The following CCNK variants were observed in gnomAD, a reference collection of about 807,000 sequenced individuals.
The protein encoded by CCNK is cyclin K.
Under a neutral mutation model 65.0 loss-of-function variants are expected in CCNK, and 9 were observed. The observed-to-expected ratio is 0.14, with a 90% CI of 0.08 to 0.24. CCNK has a LOEUF of 0.24. Ranked by LOEUF, CCNK falls within the 10% of genes least tolerant of loss-of-function variation. CCNK has a pLI of 1.00. For missense variants in CCNK, 474 were observed against 720.0 expected (o/e 0.66, Z 3.91); for synonymous variants, 279 against 270.8 (o/e 1.03, Z -0.30).
chr14:99,507,020 A>G (rs141646358), intron 9 of CCNK, 56 bp from the exon 10 acceptor site: 10 of 1,020,412 alleles, frequency 9.8e-6, no homozygotes, highest in African/African-American at 3.1e-5. Context: ...TCTTTATGAC[A>G]TGCTTATTCA....
chr14:99,503,015 G>T (rs374411620), intron 8 of CCNK, 31 bp downstream of exon 8: 18 of 1,613,000 alleles, frequency 1.1e-5, no homozygotes, highest in Non-Finnish European at 1.4e-5. Context: ...CCTGGGTAGA[G>T]CAGGCTTTCC....
At chr14:99,482,685 ATTTTG>A (rs1302036651) in intron 1 of CCNK, among the ~76,000 whole-genome samples, 1 of 152,190 alleles carries the variant, frequency 6.6e-6, no homozygotes, top group Admixed American at 6.5e-5. Context: ...AATTTGTTCC[ATTTTG>A]AAAATGTAGT....
chr14:99,492,543 C>G (rs539689164), intron 1 of CCNK, 83 bp from the exon 2 acceptor site: 4 of 748,494 alleles, frequency 5.3e-6, no homozygotes, highest in African/African-American at 3.6e-5. Context: ...AAATAGTGAT[C>G]CCAAACCAGG....
chr14:99,497,178 T>G (rs3918074), intron 4 of CCNK, among the ~76,000 whole-genome samples: 64,033 of 151,926 alleles, frequency 0.42, 13,973 homozygotes, highest in East Asian at 0.56. Context: ...TAGTAACATG[T>G]AGCCACCATT....
At chr14:99,503,096 T>C in intron 8 of CCNK, 112 bp downstream of exon 8, 1 of 1,264,266 alleles carries the variant, frequency 7.9e-7, no homozygotes, top group Non-Finnish European at 1.2e-6. Context: ...GCAGGGGGTG[T>C]TCGCCGAAAC....
At chr14:99,481,575 GTC>G (rs2139840273) in intron 1 of CCNK, 96 bp downstream of exon 1, 1 of 397,826 alleles carries the variant, frequency 2.5e-6, no homozygotes, top group Non-Finnish European at 4.4e-6. Flanking sequence ...CACTGGCGGA[GTC>G]TCTCTTTCCG....
intron 4 of CCNK, among the ~76,000 whole-genome samples, chr14:99,498,166 G>T (rs7158915): frequency 6.6e-6 from 1 of 151,908 alleles, no homozygotes; most frequent in Non-Finnish European, 1.5e-5. Flanking sequence ...GCCATCCCAG[G>T]GTGCCTTGGA....
At position 99,512,398 on chromosome 14, in the gene CCNK, A is replaced by G. The variant is rs184938586; in HGVS notation, c.*1616A>G. 1 of 150,430 alleles carries G rather than the reference A, an allele frequency of 6.6e-6. No individual in the cohort carries two copies. The highest frequency in any genetic ancestry group is 1.5e-5 in the Non-Finnish European group (1 of 67,810). 9.3% of individuals were successfully genotyped at this position (150,430 alleles called of 1,614,324 possible). On this transcript the variant is annotated 3_prime_UTR_variant, in exon 11 of 11. Coordinates refer to ENST00000389879, the MANE Select transcript of CCNK (RefSeq NM_001099402.2). The stretch of plus-strand genomic sequence containing the variant: ...CACAGTATGAAAAATATACACCTCT[A>G]CCGCTCTGCAGTCATGCATTTAGTT...
intron 4 of CCNK, among the ~76,000 whole-genome samples, chr14:99,496,930 C>CTT (rs146560564): frequency 0.043 from 5,582 of 129,708 alleles, 184 homozygotes; most frequent in African/African-American, 0.084. Context: ...AAAAAAAATG[C>CTT]TTTTTTTTTT....
intron 1 of CCNK, among the ~76,000 whole-genome samples, chr14:99,483,201 A>C (rs1248287345): frequency 6.6e-6 from 1 of 152,162 alleles, no homozygotes; most frequent in Non-Finnish European, 1.5e-5. Flanking sequence ...CAAGTTTATG[A>C]GTACTTGGGA....
At chr14:99,503,688 T>G in intron 9 of CCNK, 44 bp downstream of exon 9, 1 of 1,475,586 alleles carries the variant, frequency 6.8e-7, no homozygotes, top group Non-Finnish European at 9.2e-7. Context: ...TGTGTTTATA[T>G]GCAAAACTTT....
In CCNK at chr14:99,503,591, T is replaced by C. The variant is rs201198105; in HGVS notation, c.1012-20T>C. Reference sequence around the variant, plus strand: ...TACTCAGGATCCCAGTTAACAATTGTGTATTTTCTTTTGTAACAGGTTGTT... The same window carrying C: ...TACTCAGGATCCCAGTTAACAATTGCGTATTTTCTTTTGTAACAGGTTGTT... On this transcript the variant is annotated intron_variant, in intron 8 of 10. Coordinates refer to ENST00000389879, the MANE Select transcript of CCNK (RefSeq NM_001099402.2). 13 of 1,552,592 alleles carry C rather than the reference T, an allele frequency of 8.4e-6. No individual in the cohort carries two copies. The African/African-American group carries it at 1.5e-4, about 18-fold the overall frequency.
chr14:99,510,650 G>T lies in CCNK; in HGVS notation c.1611G>T (p.Gly537=), dbSNP rs1897107188. The T allele has an allele frequency of 1.4e-6, 2 of 1,397,990 alleles. No individual in the cohort carries two copies. Among genetic ancestry groups the T allele is most frequent in the Non-Finnish European group, 1.9e-6 (2 of 1,075,830 alleles). The allele number at this position is 1,397,990 out of a possible 1,614,324, so 86.6% of individuals were successfully genotyped here. ...THAVPPHPPP[G]LGLPPASYPP... ...CAGTCCCCCCTCATCCTCCTCCAGG[G>T]TTGGGCCTGCCGCCAGCCAGCTACC... Residue 537 remains glycine, a synonymous_variant, in exon 11 of 11, where the codon GGG becomes GGT. Transcript: ENST00000389879.
intron 4 of CCNK, 36 bp downstream of exon 4, chr14:99,495,665 G>A (rs1305360392): frequency 6.3e-7 from 1 of 1,581,228 alleles, no homozygotes; most frequent in Non-Finnish European, 8.6e-7. Context: ...TTCTGGTCTT[G>A]ATTCCTTATG....
chr14:99,508,558 G>C (rs547563031), intron 10 of CCNK: 6 of 152,580 alleles, frequency 3.9e-5, no homozygotes, highest in Non-Finnish European at 7.3e-5. Flanking sequence ...CAGTAAAGCT[G>C]GGCCGTGAGG....
At chr14:99,506,758 C>T (rs1896985619) in intron 9 of CCNK, 2 of 369,098 alleles carry the variant, frequency 5.4e-6, no homozygotes, top group South Asian at 4.6e-5. Flanking sequence ...GTCATACATG[C>T]TCATGAAGAC....
At chr14:99,497,125 T>G (rs1352764777) in intron 4 of CCNK, among the ~76,000 whole-genome samples, 1 of 151,556 alleles carries the variant, frequency 6.6e-6, no homozygotes, top group Admixed American at 6.6e-5. Context: ...TACATTAGGG[T>G]TCATTCTCAG....
At chr14:99,491,666 C>T (rs1896601202) in intron 1 of CCNK, among the ~76,000 whole-genome samples, 1 of 152,232 alleles carries the variant, frequency 6.6e-6, no homozygotes, top group African/African-American at 2.4e-5. Flanking sequence ...TTCAGCCCCA[C>T]CATGTCACCT....
chr14:99,493,595 TGTAA>T lies in CCNK; in HGVS notation c.279+3_279+6del. On this transcript the variant is annotated splice_donor_variant and splice_donor_region_variant and intron_variant, in intron 3 of 10. Coordinates refer to ENST00000389879, the MANE Select transcript of CCNK (RefSeq NM_001099402.2). LOFTEE classifies it high-confidence loss of function. ...ATTCCTTCAAGCAATTCCCAAGATATGTAAGTGTTTGAATTTTATTGTAATTCTC... is the reference window on the plus strand; with the variant it reads ...ATTCCTTCAAGCAATTCCCAAGATATGTGTTTGAATTTTATTGTAATTCTC... 6.3e-7 allele frequency: 1 copy of T among 1,576,222 alleles called. No individual in the cohort carries two copies. Among genetic ancestry groups the T allele is most frequent in the Non-Finnish European group, 8.7e-7 (1 of 1,148,224 alleles).
Sources: gnomAD v4.1 joint callset for allele counts (sites outside exome capture counted in the v4.1 genomes callset) on GRCh38, gnomAD v4.1.1 for gene constraint, MANE v1.5 for transcripts, NCBI Gene and HGNC (gene_info 2026-07-23, HGNC 2026-07-21) for gene names.